Variants in ZDHHC14 observed in about 807,000 individuals in gnomAD.
The protein encoded by ZDHHC14 is palmitoyltransferase ZDHHC14.
A neutral mutation model predicts 47.7 loss-of-function variants in ZDHHC14; 16 were observed. The observed-to-expected ratio is 0.34, with a 90% CI of 0.23 to 0.51. The LOEUF (loss-of-function observed/expected upper bound fraction) is 0.51. Ranked by LOEUF, ZDHHC14 falls within the 20% of genes least tolerant of loss-of-function variation. The pLI, the probability that ZDHHC14 is intolerant of heterozygous loss-of-function variation, is 0.97. For synonymous variants in ZDHHC14, 293 were observed against 278.9 expected (o/e 1.05, Z -0.50); for missense variants, 515 against 662.5 (o/e 0.78, Z 2.44).
At chr6:157,461,452 T>C (rs1192272068) in intron 1 of ZDHHC14, among the ~76,000 whole-genome samples, 1 of 152,208 alleles carries the variant, frequency 6.6e-6, no homozygotes, top group East Asian at 1.9e-4. Flanking sequence ...GTTTTGGAAC[T>C]TTGCTTTCCT....
chr6:157,607,505 G>A (rs532557766), intron 3 of ZDHHC14, among the ~76,000 whole-genome samples: 2 of 152,158 alleles, frequency 1.3e-5, no homozygotes, highest in Admixed American at 1.3e-4. Flanking sequence ...TTTCCTGAGG[G>A]TAGGGAGGAA....
chr6:157,639,381 T>C (rs1474562919), intron 5 of ZDHHC14, among the ~76,000 whole-genome samples: 2 of 152,228 alleles, frequency 1.3e-5, no homozygotes, highest in Non-Finnish European at 2.9e-5. Flanking sequence ...CTCGGCTCAC[T>C]GCAACCTCCG....
rs745419723 is a variant in ZDHHC14 at position 157,653,575 on chromosome 6, C to T, written c.1016C>T (p.Ala339Val). 6.2e-7 allele frequency: 1 copy of T among 1,614,002 alleles called. No individual in the cohort carries two copies. The highest frequency in any genetic ancestry group is 1.1e-5 in the South Asian group (1 of 91,084). The change falls in exon 8 of 9, where the codon GCA becomes GTA. Residue 339 changes from alanine (A) to valine (V), a missense_variant. This residue lies in a region of ZDHHC14 where 221 missense variants were observed against 233.6 expected (regional missense o/e 0.95). Coordinates refer to ENST00000359775, the MANE Select transcript of ZDHHC14 (RefSeq NM_024630.3). ...CAGCCCGACACGCCGCAGCCAGCAG[C>T]ACCCTCCAATGGCATCACCATGTAC... ...YIQPDTPQPA[A>V]PSNGITMYGA... is the part of the protein sequence containing the mutation.
chr6:157,669,238 C>A (rs373271038), intron 8 of ZDHHC14, among the ~76,000 whole-genome samples: 7 of 151,836 alleles, frequency 4.6e-5, no homozygotes, highest in African/African-American at 1.4e-4. Context: ...GAGCTCTTTG[C>A]AGGCTTAGGT....
intron 2 of ZDHHC14, among the ~76,000 whole-genome samples, chr6:157,553,434 G>T (rs35392954): frequency 0.67 from 101,059 of 151,930 alleles, 34,381 homozygotes; most frequent in African/African-American, 0.82. Flanking sequence ...GATGCCTTCA[G>T]GTCATCCACA....
intron 1 of ZDHHC14, among the ~76,000 whole-genome samples, chr6:157,420,046 G>T (rs1374797674): frequency 2.0e-5 from 3 of 152,200 alleles, no homozygotes; most frequent in Non-Finnish European, 2.9e-5. Flanking sequence ...CGTGAGACAT[G>T]GAGCATCTTT....
chr6:157,517,659 G>A (rs142524615), intron 1 of ZDHHC14, among the ~76,000 whole-genome samples: 1,645 of 152,180 alleles, frequency 0.011, 18 homozygotes, highest in Non-Finnish European at 0.018. Flanking sequence ...TTTCTGTCAG[G>A]TACATCCCAA....
intron 1 of ZDHHC14, among the ~76,000 whole-genome samples, chr6:157,517,257 T>C (rs1562457791): frequency 1.3e-5 from 2 of 151,706 alleles, no homozygotes; most frequent in Non-Finnish European, 2.9e-5. Context: ...TTCCCAGGGA[T>C]GGGAGTGGTG....
chr6:157,542,530 A>G, intron 1 of ZDHHC14, 55 bp from the exon 2 acceptor site: 3 of 1,579,754 alleles, frequency 1.9e-6, no homozygotes, highest in Non-Finnish European at 2.6e-6. Context: ...TTGATTCCTA[A>G]CATTGTATTT....
intron 3 of ZDHHC14, among the ~76,000 whole-genome samples, chr6:157,604,436 C>T (rs1784451031): frequency 6.6e-6 from 1 of 152,178 alleles, no homozygotes; most frequent in Non-Finnish European, 1.5e-5. Flanking sequence ...GAAGCAATCC[C>T]CCTTGGATAC....
chr6:157,415,326 G>A (rs980699317), intron 1 of ZDHHC14, among the ~76,000 whole-genome samples: 2 of 151,814 alleles, frequency 1.3e-5, no homozygotes, highest in African/African-American at 4.9e-5. Context: ...CAAGGGATAG[G>A]AAGGTATTTA....
intron 1 of ZDHHC14, among the ~76,000 whole-genome samples, chr6:157,486,448 A>G (rs1371441187): frequency 6.6e-6 from 1 of 152,240 alleles, no homozygotes; most frequent in Non-Finnish European, 1.5e-5. Flanking sequence ...TCTAGCTATG[A>G]AATTCTAAAA....
intron 1 of ZDHHC14, among the ~76,000 whole-genome samples, chr6:157,515,696 A>T (rs1472183336): frequency 6.6e-6 from 1 of 150,818 alleles, no homozygotes; most frequent in Non-Finnish European, 1.5e-5. Flanking sequence ...CGATCTCCTG[A>T]CCTCGTGATC....
intron 1 of ZDHHC14, among the ~76,000 whole-genome samples, chr6:157,520,337 T>C (rs1384642590): frequency 6.6e-6 from 1 of 152,264 alleles, no homozygotes; most frequent in African/African-American, 2.4e-5. Context: ...CATTGGATCA[T>C]GTTTAAATAC....
chr6:157,435,141 T>C (rs1001318105), intron 1 of ZDHHC14, among the ~76,000 whole-genome samples: 1 of 152,254 alleles, frequency 6.6e-6, no homozygotes, highest in Non-Finnish European at 1.5e-5. Flanking sequence ...TTTATCCCAC[T>C]TAATACTCAT....
intron 1 of ZDHHC14, among the ~76,000 whole-genome samples, chr6:157,459,137 A>G (rs17297711): frequency 0.041 from 6,270 of 152,222 alleles, 179 homozygotes; most frequent in Non-Finnish European, 0.065. Flanking sequence ...ACTGTTTACC[A>G]GAGTAGTGTT....
intron 1 of ZDHHC14, among the ~76,000 whole-genome samples, chr6:157,423,319 A>G (rs1201276732): frequency 6.6e-6 from 1 of 152,172 alleles, no homozygotes; most frequent in African/African-American, 2.4e-5. Context: ...TTTTAAATGT[A>G]GGAGGACTCT....
chr6:157,509,017 C>G (rs1259398866), intron 1 of ZDHHC14, among the ~76,000 whole-genome samples: 4 of 152,182 alleles, frequency 2.6e-5, no homozygotes, highest in African/African-American at 9.7e-5. Flanking sequence ...CGGCTGTTGG[C>G]CAGGGGTTAA....
chr6:157,542,552 C>A (rs758307976), intron 1 of ZDHHC14, 33 bp from the exon 2 acceptor site: 1 of 1,597,702 alleles, frequency 6.3e-7, no homozygotes, highest in Admixed American at 1.7e-5. Context: ...CTTTCTTTTC[C>A]CCTTCTCTCC....
Sources: gnomAD v4.1 joint callset for allele counts (sites outside exome capture counted in the v4.1 genomes callset) on GRCh38, gnomAD v4.1.1 for gene constraint, gnomAD v4.1.1 regional missense constraint, MANE v1.5 for transcripts, NCBI Gene and HGNC (gene_info 2026-07-23, HGNC 2026-07-21) for gene names.